Variants in PLXDC2 observed in about 807,000 individuals in gnomAD.
The protein encoded by PLXDC2 is plexin domain-containing protein 2.
Under a neutral mutation model 68.9 loss-of-function variants are expected in PLXDC2, and 40 were observed. The observed-to-expected ratio is 0.58, with a 90% confidence interval of 0.45 to 0.76. The LOEUF (loss-of-function observed/expected upper bound fraction) is 0.76. PLXDC2 is among the 30% of genes least tolerant of loss of function. The pLI, the probability that PLXDC2 is intolerant of heterozygous loss-of-function variation, is 0.00. For synonymous variants in PLXDC2, 243 were observed against 234.2 expected, an observed-to-expected ratio of 1.04 and a Z score of -0.34; for missense variants, 644 against 661.9, an observed-to-expected ratio of 0.97 and a Z score of 0.30.
At chr10:19,865,345 A>G (rs1035431043) in intron 1 of PLXDC2, among the ~76,000 whole-genome samples, 10 of 152,356 alleles carry the variant, frequency 6.6e-5, no homozygotes, top group Admixed American at 5.2e-4. Context: ...ACTGATGGAA[A>G]AAACTTGGCT....
intron 2 of PLXDC2, among the ~76,000 whole-genome samples, chr10:20,021,999 C>T (rs1355439879): frequency 1.3e-5 from 2 of 152,188 alleles, no homozygotes; most frequent in Non-Finnish European, 2.9e-5. Context: ...GCCCAGCTCA[C>T]ATTTTATTTT....
At chr10:20,163,099 A>G (rs1456335520) in intron 6 of PLXDC2, among the ~76,000 whole-genome samples, 1 of 152,046 alleles carries the variant, frequency 6.6e-6, no homozygotes, top group Non-Finnish European at 1.5e-5. Flanking sequence ...TTGGATATAA[A>G]TTTTGATTTT....
chr10:20,070,974 GA>G (rs112958120), intron 4 of PLXDC2: 30,871 of 142,848 alleles, frequency 0.22, 3,793 homozygotes, highest in African/African-American at 0.36. Context: ...CAAAATAAGT[GA>G]AAAAAAAAAA....
intron 1 of PLXDC2, among the ~76,000 whole-genome samples, chr10:19,922,944 T>G (rs1833484084): frequency 1.3e-5 from 2 of 152,212 alleles, no homozygotes; most frequent in African/African-American, 4.8e-5. Context: ...AATGCAAAGC[T>G]TTTTAAAATT....
chr10:19,821,665 G>C (rs940341189), intron 1 of PLXDC2, among the ~76,000 whole-genome samples: 2 of 152,202 alleles, frequency 1.3e-5, no homozygotes, highest in Non-Finnish European at 2.9e-5. Flanking sequence ...TGAATGCCAC[G>C]TTGGGAGACT....
chr10:19,934,711 A>G lies in PLXDC2; in HGVS notation c.113-67064A>G, dbSNP rs374970210. 5.3e-5 allele frequency among the ~76,000 whole-genome samples: 8 copies of G among 152,354 alleles called. No individual in the cohort carries two copies. The East Asian group carries it at 1.4e-3, about 26-fold the overall frequency. Reference sequence around the variant, plus strand: ...TTGATTAAAATAAACACAGTGTTCTAGTTTAGCAGTGCTTCCTATCCAATG... The same window carrying G: ...TTGATTAAAATAAACACAGTGTTCTGGTTTAGCAGTGCTTCCTATCCAATG... On this transcript the variant is annotated intron_variant, in intron 1 of 13. Transcript: ENST00000377252.
intron 10 of PLXDC2, among the ~76,000 whole-genome samples, chr10:20,214,178 C>T (rs1268682307): frequency 3.3e-5 from 5 of 151,976 alleles, no homozygotes; most frequent in African/African-American, 4.8e-5. Context: ...TTAAATATTC[C>T]GTGTATGATT....
intron 13 of PLXDC2, 146 bp from the exon 14 acceptor site, chr10:20,279,557 C>A: frequency 1.5e-6 from 1 of 672,926 alleles, no homozygotes; most frequent in Admixed American, 2.7e-5. Flanking sequence ...AAGGGGAATT[C>A]TTAATTCTGA....
intron 11 of PLXDC2, 29 bp from the exon 12 acceptor site, chr10:20,219,035 G>T (rs762764562): frequency 4.4e-6 from 7 of 1,605,036 alleles, no homozygotes; most frequent in Non-Finnish European, 5.1e-6. Flanking sequence ...ATCCTTTTCT[G>T]TTATAGTAAC....
intron 4 of PLXDC2, among the ~76,000 whole-genome samples, chr10:20,114,265 C>T (rs1833594944): frequency 1.3e-5 from 2 of 152,236 alleles, no homozygotes; most frequent in Admixed American, 6.5e-5. Context: ...CATCTGACCT[C>T]AGCCTGTTGC....
At chr10:20,101,367 T>A (rs990111749) in intron 4 of PLXDC2, among the ~76,000 whole-genome samples, 3 of 152,182 alleles carry the variant, frequency 2.0e-5, no homozygotes, top group African/African-American at 7.2e-5. Flanking sequence ...TTTTATTCTT[T>A]AGACTGAGAC....
intron 3 of PLXDC2, among the ~76,000 whole-genome samples, chr10:20,065,749 A>G (rs1292224707): frequency 6.6e-6 from 1 of 152,192 alleles, no homozygotes; most frequent in Non-Finnish European, 1.5e-5. Context: ...TGCAGTTCAC[A>G]ATAGGGCTCA....
chr10:19,962,989 CAAA>C (rs56922353), intron 1 of PLXDC2, among the ~76,000 whole-genome samples: 20 of 88,216 alleles, frequency 2.3e-4, no homozygotes, highest in Admixed American at 7.2e-4. Flanking sequence ...GACTACGTCT[CAAA>C]AAAAAAAAAA....
At chr10:19,824,292 C>T (rs1258351254) in intron 1 of PLXDC2, among the ~76,000 whole-genome samples, 3 of 152,176 alleles carry the variant, frequency 2.0e-5, no homozygotes, top group Admixed American at 2.0e-4. Context: ...GGCCCACCTC[C>T]AACAAGCATA....
chr10:19,885,674 C>T (rs1424264250), intron 1 of PLXDC2, among the ~76,000 whole-genome samples: 20 of 150,950 alleles, frequency 1.3e-4, no homozygotes, highest in African/African-American at 2.4e-4. Flanking sequence ...AGATATGCGG[C>T]GTTATTTCTG....
At chr10:20,214,982 C>G (rs12774800) in intron 10 of PLXDC2, among the ~76,000 whole-genome samples, 71,842 of 151,982 alleles carry the variant, frequency 0.47, 18,778 homozygotes, top group Non-Finnish European at 0.59. Flanking sequence ...GGAATGTGGA[C>G]TGGAAATATA....
At chr10:20,019,448 C>A (rs1281142296) in intron 2 of PLXDC2, among the ~76,000 whole-genome samples, 1 of 152,116 alleles carries the variant, frequency 6.6e-6, no homozygotes, top group Admixed American at 6.5e-5. Context: ...GTAATTGATG[C>A]CTGGTGCTAT....
intron 1 of PLXDC2, among the ~76,000 whole-genome samples, chr10:19,893,478 G>A (rs1461267587): frequency 6.6e-6 from 1 of 152,146 alleles, no homozygotes; most frequent in African/African-American, 2.4e-5. Flanking sequence ...AATGTCTTTA[G>A]AAAGTCATCT....
At chr10:20,004,499 G>A (rs1834993755) in intron 2 of PLXDC2, among the ~76,000 whole-genome samples, 1 of 152,106 alleles carries the variant, frequency 6.6e-6, no homozygotes, top group African/African-American at 2.4e-5. Context: ...AGAAGCAGAG[G>A]CGTTTACTCT....
Sources: allele counts gnomAD v4.1 joint callset (sites outside exome capture counted in the v4.1 genomes callset), GRCh38; gene constraint gnomAD v4.1.1; transcripts MANE v1.5; gene names NCBI Gene and HGNC (gene_info 2026-07-23, HGNC 2026-07-21).